The following DEPDC5 variants were observed in gnomAD, a reference collection of about 807,000 sequenced individuals.
DEPDC5 encodes DEP domain containing 5, GATOR1 subcomplex subunit, also known as GATOR1 complex protein DEPDC5.
Under a neutral mutation model 217.3 loss-of-function variants are expected in DEPDC5, and 73 were observed. That is an observed-to-expected ratio of 0.34 (90% confidence interval 0.28 to 0.41). The LOEUF (loss-of-function observed/expected upper bound fraction) is 0.41. Ranked by LOEUF, DEPDC5 falls within the 10% of genes least tolerant of loss-of-function variation. The pLI, the probability that DEPDC5 is intolerant of heterozygous loss-of-function variation, is 1.00. For missense variants in DEPDC5, 1,675 were observed against 2,070.1 expected, an observed-to-expected ratio of 0.81 and a Z score of 3.70; for synonymous variants, 733 against 756.7, an observed-to-expected ratio of 0.97 and a Z score of 0.51.
At chr22:31,766,689 A>G (rs774910673) in intron 6 of DEPDC5, 21 bp downstream of exon 6, 2 of 1,603,002 alleles carry the variant, frequency 1.2e-6, no homozygotes, top group South Asian at 1.1e-5. Flanking sequence ...ATTTTTTTTG[A>G]AAGTCTGTTA....
At chr22:31,842,421 C>T (rs1415692879) in intron 27 of DEPDC5, among the ~76,000 whole-genome samples, 3 of 151,908 alleles carry the variant, frequency 2.0e-5, no homozygotes, top group East Asian at 1.9e-4. Flanking sequence ...ACTAAAAATA[C>T]GAAATTAGCC....
At chr22:31,777,937 G>A (rs2084042402) in intron 7 of DEPDC5, 162 bp from the exon 8 acceptor site, 1 of 675,954 alleles carries the variant, frequency 1.5e-6, no homozygotes, top group African/African-American at 1.8e-5. Context: ...TAGTATAGAT[G>A]GGGTTTCACC....
rs115299174 is a variant in DEPDC5, at chr22:31,845,072, T to C, written c.2856T>C (p.Cys952=). ...CCCGCTTCCTGCTGCTGCCAGCCTG[T>C]GTCACCGCCACCAAGCGCATCACGG... ...WRTRFLLLPA[C]VTATKRITEG... is the part of the protein sequence containing the mutation. Residue 952 remains cysteine, a synonymous_variant, in exon 30 of 43, where the codon TGT becomes TGC. Transcript: ENST00000651528. The C allele has an allele frequency of 6.6e-4, 1,060 of 1,614,190 alleles. 12 individuals carry two copies. In the African/African-American group the frequency reaches 0.013, roughly 19 times the overall value.
At chr22:31,809,740 G>A (rs2088026352) in intron 19 of DEPDC5, 93 bp downstream of exon 19, 1 of 1,386,138 alleles carries the variant, frequency 7.2e-7, no homozygotes, top group Non-Finnish European at 1.0e-6. Context: ...AGCACTTTGG[G>A]AGGCCAAGGT....
At chr22:31,867,906 G>A (rs1253224304) in intron 33 of DEPDC5, among the ~76,000 whole-genome samples, 1 of 152,096 alleles carries the variant, frequency 6.6e-6, no homozygotes, top group Non-Finnish European at 1.5e-5. Flanking sequence ...CCACTACAGG[G>A]GCCCAGAAGG....
At chr22:31,849,127 T>C (rs1191266898) in intron 31 of DEPDC5, among the ~76,000 whole-genome samples, 1 of 152,174 alleles carries the variant, frequency 6.6e-6, no homozygotes, top group Non-Finnish European at 1.5e-5. Flanking sequence ...TCCAAGTCAC[T>C]GGGAAGTTCC....
chr22:31,799,702 G>C (rs1157229076), intron 14 of DEPDC5, among the ~76,000 whole-genome samples: 3 of 147,682 alleles, frequency 2.0e-5, no homozygotes, highest in Non-Finnish European at 4.5e-5. Context: ...AGGTTTCACC[G>C]TATTGGCCAG....
intron 14 of DEPDC5, 86 bp from the exon 15 acceptor site, chr22:31,802,618 G>T (rs1601968462): frequency 1.4e-6 from 2 of 1,380,916 alleles, no homozygotes; most frequent in African/African-American, 3.0e-5. Context: ...TGGGCAGAAT[G>T]CTCTGAGAGT....
intron 33 of DEPDC5, among the ~76,000 whole-genome samples, chr22:31,870,137 G>C (rs2092801544): frequency 6.6e-6 from 1 of 152,210 alleles, no homozygotes; most frequent in Admixed American, 6.5e-5. Context: ...GTAGGCAGAA[G>C]ATGTACATTG....
intron 25 of DEPDC5, among the ~76,000 whole-genome samples, chr22:31,836,273 G>C (rs1409667365): frequency 6.6e-6 from 1 of 152,280 alleles, no homozygotes; most frequent in African/African-American, 2.4e-5. Context: ...CCACAACAAA[G>C]AATTATCTGG....
At chr22:31,824,776 G>T (rs1395158280) in intron 24 of DEPDC5, among the ~76,000 whole-genome samples, 1 of 151,750 alleles carries the variant, frequency 6.6e-6, no homozygotes, top group Non-Finnish European at 1.5e-5. Flanking sequence ...GACCATCCTG[G>T]CTAACACAGT....
intron 33 of DEPDC5, among the ~76,000 whole-genome samples, chr22:31,865,634 C>G (rs2092670267): frequency 6.6e-6 from 1 of 152,188 alleles, no homozygotes; most frequent in Non-Finnish European, 1.5e-5. Flanking sequence ...CAAGCACCTG[C>G]TGGGTGTAGG....
intron 4 of DEPDC5, among the ~76,000 whole-genome samples, chr22:31,764,574 C>A (rs2082657020): frequency 6.6e-6 from 1 of 151,826 alleles, no homozygotes; most frequent in African/African-American, 2.4e-5. Context: ...CACCATCATG[C>A]CTGGCTAATT....
At chr22:31,864,793 A>G (rs2149185766) in intron 33 of DEPDC5, among the ~76,000 whole-genome samples, 1 of 152,004 alleles carries the variant, frequency 6.6e-6, no homozygotes, top group Admixed American at 6.6e-5. Context: ...GGTTCAAGTG[A>G]TTCTTCTGCC....
chr22:31,797,268 T>C (rs926122886), intron 12 of DEPDC5, among the ~76,000 whole-genome samples: 18 of 152,176 alleles, frequency 1.2e-4, no homozygotes, highest in African/African-American at 4.3e-4. Flanking sequence ...AAAGGTTTAA[T>C]TGACTCATGG....
At chr22:31,842,405 G>A (rs906569444) in intron 27 of DEPDC5, among the ~76,000 whole-genome samples, 1 of 151,970 alleles carries the variant, frequency 6.6e-6, no homozygotes, top group Non-Finnish European at 1.5e-5. Context: ...GAGAAACCCC[G>A]TCTCCACTAA....
At chr22:31,801,113 C>T (rs1237117699) in intron 14 of DEPDC5, among the ~76,000 whole-genome samples, 1 of 151,296 alleles carries the variant, frequency 6.6e-6, no homozygotes, top group East Asian at 2.0e-4. Flanking sequence ...GCCAACATGG[C>T]GAAACCCCAT....
intron 21 of DEPDC5, chr22:31,817,017 T>G: frequency 6.5e-6 from 1 of 153,904 alleles, no homozygotes; most frequent in South Asian, 2.0e-4. Context: ...TGTGCAGCCG[T>G]GCTGTGTGGC....
intron 35 of DEPDC5, chr22:31,873,959 A>C: frequency 3.5e-6 from 1 of 283,068 alleles, no homozygotes; most frequent in East Asian, 1.3e-4. Flanking sequence ...CGCCCAGCTG[A>C]TTTTTGTATT....
Sources: allele counts gnomAD v4.1 joint callset (sites outside exome capture counted in the v4.1 genomes callset), GRCh38; gene constraint gnomAD v4.1.1; transcripts MANE v1.5; gene names NCBI Gene and HGNC (gene_info 2026-07-23, HGNC 2026-07-21).